PPIP5K2: variants seen among roughly 807,000 people sequenced by gnomAD.
PPIP5K2 encodes diphosphoinositol pentakisphosphate kinase 2, also known as inositol hexakisphosphate and diphosphoinositol-pentakisphosphate kinase 2.
PPIP5K2 carries 105 observed loss-of-function variants against 154.6 expected under a neutral mutation model. The ratio of observed to expected loss-of-function variants is 0.68; its 90% CI spans 0.58 to 0.80. PPIP5K2 has a LOEUF of 0.80. PPIP5K2 is among the 30% of genes least tolerant of loss of function. The pLI, the probability that PPIP5K2 is intolerant of heterozygous loss-of-function variation, is 0.00. For missense variants in PPIP5K2, 992 were observed against 1,504.6 expected (o/e 0.66, Z 5.64); for synonymous variants, 480 against 490.3 (o/e 0.98, Z 0.28).
chr5:103,177,323 T>C (rs1798874103), intron 21 of PPIP5K2, among the ~76,000 whole-genome samples: 1 of 151,976 alleles, frequency 6.6e-6, no homozygotes, highest in African/African-American at 2.4e-5. Flanking sequence ...TACTTACTGG[T>C]TTAGCATCCC....
At chr5:103,128,303 A>G (rs1308730377) in intron 1 of PPIP5K2, among the ~76,000 whole-genome samples, 1 of 152,196 alleles carries the variant, frequency 6.6e-6, no homozygotes, top group Non-Finnish European at 1.5e-5. Context: ...TTGGTATATA[A>G]TTAATTTTAA....
rs376488094 is a variant in PPIP5K2 at position 103,173,152 on chromosome 5, C to T, written c.2287-3C>T. ...TTTCTAATGTCATGTATTTTTTGCT[C>T]AGGAATATGGTATAACTAAAGCTGA... On this transcript the variant is annotated splice_region_variant and splice_polypyrimidine_tract_variant and intron_variant, in intron 19 of 30. Coordinates refer to ENST00000358359, the MANE Select transcript of PPIP5K2 (RefSeq NM_001276277.3). The T allele has an allele frequency of 8.2e-6, 13 of 1,578,446 alleles. No homozygotes were observed. The highest frequency in any genetic ancestry group is 3.9e-5 in the Admixed American group (2 of 50,826).
intron 19 of PPIP5K2, among the ~76,000 whole-genome samples, chr5:103,172,921 C>G (rs1378032409): frequency 6.6e-6 from 1 of 151,784 alleles, no homozygotes; most frequent in Admixed American, 6.6e-5. Flanking sequence ...ATTCATTCTC[C>G]GCCTTCAGAA....
chr5:103,152,160 C>T (rs1794732365), intron 9 of PPIP5K2, among the ~76,000 whole-genome samples: 1 of 151,862 alleles, frequency 6.6e-6, no homozygotes, highest in Admixed American at 6.6e-5. Flanking sequence ...GGAGAGTTTA[C>T]TAAATTTTAG....
chr5:103,196,408 A>G (rs1802099183), intron 30 of PPIP5K2, among the ~76,000 whole-genome samples: 1 of 152,198 alleles, frequency 6.6e-6, no homozygotes, highest in South Asian at 2.1e-4. Flanking sequence ...ATGTGAAACA[A>G]CAGACAATTG....
intron 29 of PPIP5K2, 39 bp from the exon 30 acceptor site, chr5:103,194,861 G>A: frequency 1.3e-6 from 2 of 1,585,232 alleles, no homozygotes; most frequent in Non-Finnish European, 8.6e-7. Context: ...TAATTGGCAG[G>A]AAATTATTAA....
intron 24 of PPIP5K2, 61 bp downstream of exon 24, chr5:103,180,249 AG>A: frequency 1.5e-6 from 2 of 1,362,046 alleles, no homozygotes; most frequent in Non-Finnish European, 1.9e-6. Context: ...TTAATAAAAC[AG>A]AAAAGAAAAT....
At chr5:103,156,404 G>A (rs1373735030) in intron 14 of PPIP5K2, among the ~76,000 whole-genome samples, 1 of 152,056 alleles carries the variant, frequency 6.6e-6, no homozygotes, top group Non-Finnish European at 1.5e-5. Flanking sequence ...AAATAAATGG[G>A]TATTTTCTTC....
rs1202869707 is a variant in PPIP5K2, at chr5:103,206,292, A to G, written c.*4658A>G. 1 of 152,212 alleles carries G rather than the reference A, an allele frequency of 6.6e-6. No homozygotes were observed. The highest frequency in any genetic ancestry group is 1.5e-5 in the Non-Finnish European group (1 of 68,038). The allele number at this position is 152,212 out of a possible 1,614,324, so 9.4% of individuals were successfully genotyped here. On this transcript the variant is annotated 3_prime_UTR_variant, in exon 31 of 31. Coordinates refer to ENST00000358359, the MANE Select transcript of PPIP5K2 (RefSeq NM_001276277.3). ...CAAAGTTGTTTTCTCTCGTGTTAAC[A>G]ATAATTGCTGTCGGTTTCAGTGAGG...
intron 29 of PPIP5K2, 51 bp from the exon 30 acceptor site, chr5:103,194,849 G>A: frequency 6.4e-7 from 1 of 1,566,366 alleles, no homozygotes; most frequent in South Asian, 1.2e-5. Flanking sequence ...GATGTTAAGA[G>A]ATAATTGGCA....
chr5:103,143,375 A>G (rs1554207892), intron 5 of PPIP5K2, among the ~76,000 whole-genome samples: 2 of 152,190 alleles, frequency 1.3e-5, no homozygotes, highest in African/African-American at 4.8e-5. Context: ...TTGTAGAGAC[A>G]GGATCTCACT....
intron 2 of PPIP5K2, among the ~76,000 whole-genome samples, chr5:103,131,551 G>A (rs748722846): frequency 6.6e-6 from 1 of 152,020 alleles, no homozygotes; most frequent in East Asian, 1.9e-4. Context: ...TATTATTACT[G>A]TGTTCCCTGT....
At chr5:103,183,114 A>C in intron 24 of PPIP5K2, 120 bp from the exon 25 acceptor site, 2 of 938,620 alleles carry the variant, frequency 2.1e-6, no homozygotes, top group Non-Finnish European at 1.4e-6. Flanking sequence ...AAATATGAAC[A>C]AACTGTATTT....
intron 17 of PPIP5K2, among the ~76,000 whole-genome samples, chr5:103,161,108 C>A (rs1796153391): frequency 6.6e-6 from 1 of 150,552 alleles, no homozygotes; most frequent in African/African-American, 2.4e-5. Context: ...TCCCTCCCCC[C>A]AACCCCCACC....
intron 19 of PPIP5K2, among the ~76,000 whole-genome samples, chr5:103,170,803 G>A (rs1797870149): frequency 6.6e-6 from 1 of 151,286 alleles, no homozygotes; most frequent in Non-Finnish European, 1.5e-5. Context: ...CATATTTGCA[G>A]TAATTTATAA....
intron 30 of PPIP5K2, among the ~76,000 whole-genome samples, chr5:103,196,851 G>A (rs1554228671): frequency 6.6e-6 from 1 of 152,014 alleles, no homozygotes; most frequent in Admixed American, 6.6e-5. Context: ...AAAACATAGG[G>A]TAAGACAAAT....
Position 103,174,142 on chromosome 5 carries a change from A to G in PPIP5K2, c.2529+170A>G, listed in dbSNP as rs1177503564. ...AAGCATTTTGCTAGATTTTAGGGATAAAGATGTTCTCTTCAGAGAAGATAC... is the reference window on the plus strand; with the variant it reads ...AAGCATTTTGCTAGATTTTAGGGATGAAGATGTTCTCTTCAGAGAAGATAC... On this transcript the variant is annotated intron_variant, in intron 21 of 30. Transcript: ENST00000358359. 37 of 511,552 alleles carry G rather than the reference A, an allele frequency of 7.2e-5. 1 individual carries two copies. Among genetic ancestry groups the G allele is most frequent in the Non-Finnish European group, 6.8e-6 (2 of 294,188 alleles). 31.7% of individuals were successfully genotyped at this position (511,552 alleles called of 1,614,324 possible).
intron 2 of PPIP5K2, among the ~76,000 whole-genome samples, chr5:103,132,837 T>C (rs1790860069): frequency 6.6e-6 from 1 of 152,168 alleles, no homozygotes; most frequent in Admixed American, 6.5e-5. Context: ...AGTTTTAGGC[T>C]GAATTGTGGC....
Position 103,210,936 on chromosome 5 carries a change from G to A in PPIP5K2, c.*9302G>A, listed in dbSNP as rs1024519139. ...ATACAGTTATGGAAATATTTCTGCT[G>A]CAAGAAAAGAATTACATACAACTAG... is the stretch of plus-strand genomic sequence containing the variant. On this transcript the variant is annotated 3_prime_UTR_variant, in exon 31 of 31. Coordinates refer to ENST00000358359, the MANE Select transcript of PPIP5K2 (RefSeq NM_001276277.3). The A allele has an allele frequency of 1.3e-5, 2 of 152,070 alleles. No individual in the cohort carries two copies. The highest frequency in any genetic ancestry group is 4.8e-5 in the African/African-American group (2 of 41,406). The allele number at this position is 152,070 out of a possible 1,614,324, so 9.4% of individuals were successfully genotyped here. A position where few individuals can be genotyped will look rare whatever the true frequency, so the allele number is the denominator to read the frequency against.
Sources: gnomAD v4.1 joint callset for allele counts (sites outside exome capture counted in the v4.1 genomes callset) on GRCh38, gnomAD v4.1.1 for gene constraint, MANE v1.5 for transcripts, NCBI Gene and HGNC (gene_info 2026-07-23, HGNC 2026-07-21) for gene names.